Variants in AKT3 observed in about 807,000 individuals in gnomAD.
AKT3 encodes the protein AKT serine/threonine kinase 3.
In AKT3, 15 loss-of-function variants were observed where a neutral mutation model predicts 65.3. The observed-to-expected ratio is 0.23, with a 90% CI of 0.15 to 0.35. The LOEUF (loss-of-function observed/expected upper bound fraction) is 0.35, where lower values mean the gene tolerates loss of function less well. Ranked by LOEUF, AKT3 falls within the 10% of genes least tolerant of loss-of-function variation. The pLI, the probability that AKT3 is intolerant of heterozygous loss-of-function variation, is 1.00. For synonymous variants in AKT3, 206 were observed against 183.8 expected, an observed-to-expected ratio of 1.12 and a Z score of -0.98; for missense variants, 243 against 576.5, an observed-to-expected ratio of 0.42 and a Z score of 5.92.
intron 8 of AKT3, among the ~76,000 whole-genome samples, chr1:243,583,148 T>C (rs1338108530): frequency 7.1e-6 from 1 of 140,318 alleles, no homozygotes; most frequent in African/African-American, 2.8e-5. Flanking sequence ...TATATATCTC[T>C]CTCTTCCATG....
rs115562749 is a variant in AKT3, at chr1:243,518,956, T to C, written c.1252-6530A>G. 3.2e-3 allele frequency among the ~76,000 whole-genome samples: 495 copies of C among 152,318 alleles called. 2 individuals carry two copies. The highest frequency in any genetic ancestry group is 0.011 in the African/African-American group (461 of 41,572). ...GAAGCAAGAACAAACATGAAATTCA[T>C]GGTGAAGCTTGGGTGGAAGAATGAT... On this transcript the variant is annotated intron_variant, in intron 12 of 13. Transcript: ENST00000673466.
At chr1:243,578,262 T>C (rs1675090493) in intron 8 of AKT3, among the ~76,000 whole-genome samples, 1 of 152,060 alleles carries the variant, frequency 6.6e-6, no homozygotes, top group African/African-American at 2.4e-5. Context: ...ACTATCACAA[T>C]AGCAAAGTCA....
At chr1:243,813,561 G>T (rs1410423825) in intron 2 of AKT3, among the ~76,000 whole-genome samples, 1 of 151,748 alleles carries the variant, frequency 6.6e-6, no homozygotes, top group African/African-American at 2.4e-5. Flanking sequence ...TATAACGTTA[G>T]ATTTTTATTT....
At chr1:243,837,847 T>A (rs1694989753) in intron 2 of AKT3, among the ~76,000 whole-genome samples, 2 of 152,198 alleles carry the variant, frequency 1.3e-5, no homozygotes, top group African/African-American at 4.8e-5. Context: ...TATCCACTCT[T>A]ACCACTTTTA....
downstream of AKT3, among the ~76,000 whole-genome samples, chr1:243,496,330 G>T (rs758091404): frequency 6.6e-6 from 1 of 151,158 alleles, no homozygotes; most frequent in African/African-American, 2.4e-5. Context: ...CCCAGAACAC[G>T]AGGCGGAGGC....
chr1:243,634,257 T>C (rs1679815035), intron 6 of AKT3, among the ~76,000 whole-genome samples: 1 of 152,046 alleles, frequency 6.6e-6, no homozygotes, highest in African/African-American at 2.4e-5. Flanking sequence ...ATATTTTTAT[T>C]CTTGTATTAT....
intron 3 of AKT3, chr1:243,687,418 T>C (rs1684399135): frequency 6.6e-6 from 1 of 152,158 alleles, no homozygotes; most frequent in African/African-American, 2.4e-5. Flanking sequence ...TGTAGTGTTA[T>C]AATGAAGGAA....
chr1:243,766,951 T>C (rs998845410), intron 2 of AKT3, among the ~76,000 whole-genome samples: 1 of 152,128 alleles, frequency 6.6e-6, no homozygotes, highest in Admixed American at 6.5e-5. Flanking sequence ...TTTTTAAAAA[T>C]CTGAACTTAT....
intron 3 of AKT3, among the ~76,000 whole-genome samples, chr1:243,666,981 C>T (rs1682831434): frequency 6.6e-6 from 1 of 152,250 alleles, no homozygotes; most frequent in South Asian, 2.1e-4. Context: ...GATCACGTGG[C>T]TGACTGCAAG....
intron 12 of AKT3, among the ~76,000 whole-genome samples, chr1:243,544,845 G>A (rs1201331853): frequency 4.0e-5 from 6 of 151,334 alleles, no homozygotes; most frequent in East Asian, 2.0e-4. Context: ...TTAGGAGTGC[G>A]CCACCACGCC....
rs1317956420 is a variant in AKT3, at chr1:243,630,967, A to ATAGCCTC, written c.561+6637_561+6643dup. Among the ~76,000 whole-genome samples, 4 of 125,970 alleles carry ATAGCCTC rather than the reference A, an allele frequency of 3.2e-5. 1 individual carries two copies. In the South Asian group the frequency reaches 1.0e-3, roughly 32 times the overall value. The allele number at this position is 125,970 out of a possible 152,430, so 82.6% of individuals were successfully genotyped here. ...AACCAATGTTTCATGTCTCAACCAA[A>ATAGCCTC]TAGCCTCTTTTTTTTTTTTCCATAC... On this transcript the variant is annotated intron_variant, in intron 6 of 13. Transcript: ENST00000673466.
At chr1:243,746,103 T>TTTGC (rs1218914631) in intron 2 of AKT3, among the ~76,000 whole-genome samples, 1 of 152,214 alleles carries the variant, frequency 6.6e-6, no homozygotes, top group Non-Finnish European at 1.5e-5. Flanking sequence ...GATTTTTTAC[T>TTTGC]TTGCTTTGTT....
At chr1:243,739,409 T>C (rs539614054) in intron 2 of AKT3, 1 of 152,304 alleles carries the variant, frequency 6.6e-6, no homozygotes, top group Admixed American at 6.5e-5. Context: ...ATGTGAAATG[T>C]AGTCCAATCA....
At chr1:243,773,348 A>G (rs932713273) in intron 2 of AKT3, among the ~76,000 whole-genome samples, 2 of 152,074 alleles carry the variant, frequency 1.3e-5, no homozygotes, top group African/African-American at 4.8e-5. Context: ...TGACTATGAA[A>G]TACTGGCTTG....
At chr1:243,718,312 T>C (rs549842592) in intron 2 of AKT3, among the ~76,000 whole-genome samples, 1 of 152,340 alleles carries the variant, frequency 6.6e-6, no homozygotes, top group Non-Finnish European at 1.5e-5. Context: ...CTCTGTATCG[T>C]TACTTACATA....
intron 10 of AKT3, among the ~76,000 whole-genome samples, chr1:243,560,495 A>C (rs530507433): frequency 4.1e-4 from 62 of 152,276 alleles, no homozygotes; most frequent in African/African-American, 1.5e-3. Context: ...CAATTTCGTA[A>C]GTTGTTTCAA....
intron 12 of AKT3, among the ~76,000 whole-genome samples, chr1:243,533,265 A>T (rs1304897501): frequency 1.3e-5 from 2 of 152,258 alleles, no homozygotes; most frequent in Admixed American, 1.3e-4. Context: ...AACTAAAAAA[A>T]TGTCAAAACT....
chr1:243,816,317 A>T (rs992871029), intron 2 of AKT3, among the ~76,000 whole-genome samples: 5 of 152,204 alleles, frequency 3.3e-5, no homozygotes, highest in African/African-American at 1.2e-4. Flanking sequence ...AGTAATTCAT[A>T]GTTTCACTAA....
chr1:243,591,450 A>C (rs192113945), intron 8 of AKT3, among the ~76,000 whole-genome samples: 10 of 152,338 alleles, frequency 6.6e-5, no homozygotes, highest in Non-Finnish European at 1.3e-4. Flanking sequence ...ATGCCTAAAT[A>C]TATTTTTTAA....
Sources: allele counts gnomAD v4.1 joint callset (sites outside exome capture counted in the v4.1 genomes callset), GRCh38; gene constraint gnomAD v4.1.1; transcripts MANE v1.5; gene names NCBI Gene and HGNC (gene_info 2026-07-23, HGNC 2026-07-21).